The following ICE1 variants were observed in gnomAD, a reference collection of about 807,000 sequenced individuals.
ICE1 encodes little elongation complex subunit 1.
ICE1 carries 64 observed loss-of-function variants against 192.7 expected under a neutral mutation model. The observed-to-expected ratio is 0.33, with a 90% confidence interval of 0.27 to 0.41. ICE1 has a LOEUF of 0.41. Ranked by LOEUF, ICE1 falls within the 10% of genes least tolerant of loss-of-function variation. The pLI is 1.00. For synonymous variants in ICE1, 1,010 were observed against 984.5 expected, an observed-to-expected ratio of 1.03 and a Z score of -0.49; for missense variants, 2,708 against 2,696.0, an observed-to-expected ratio of 1.00 and a Z score of -0.10.
At chr5:5,431,252 C>T (rs1737700489) in intron 1 of ICE1, among the ~76,000 whole-genome samples, 1 of 152,186 alleles carries the variant, frequency 6.6e-6, no homozygotes, top group Non-Finnish European at 1.5e-5. Context: ...GGAAGAATCA[C>T]TTTTATTTTA....
Position 5,432,825 on chromosome 5 carries a change from C to G in ICE1, c.85-3593C>G, listed in dbSNP as rs1194479476. Among the ~76,000 whole-genome samples the G allele has an allele frequency of 3.3e-5, 5 of 152,050 alleles. No individual in the cohort carries two copies. The East Asian group carries it at 9.6e-4, about 29-fold the overall frequency. On this transcript the variant is annotated intron_variant, in intron 1 of 18. Coordinates refer to ENST00000296564, the MANE Select transcript of ICE1 (RefSeq NM_015325.3). The stretch of plus-strand genomic sequence containing the variant: ...TTATTTATCTCATCCTATTAATAAA[C>G]ATTTTTTAAGTTTTCTTTTCAGTTT...
chr5:5,438,217 A>T (rs2111343584), intron 3 of ICE1, among the ~76,000 whole-genome samples: 1 of 152,270 alleles, frequency 6.6e-6, no homozygotes, highest in Non-Finnish European at 1.5e-5. Context: ...GTGGGAACTC[A>T]CTCATTATCA....
Position 5,473,748 on chromosome 5 carries a change from GGTTA to G in ICE1, c.6413+5_6413+8del, listed in dbSNP as rs753631956. On this transcript the variant is annotated splice_donor_variant and splice_donor_region_variant and intron_variant, in intron 16 of 18. Transcript: ENST00000296564. LOFTEE classifies it high-confidence loss of function. ...ATCTGGACGCATGATAACATCATAA[GGTTA>G]GTTATTTTACTAATTTAAATAAAGA... 10 of 1,564,936 alleles carry G rather than the reference GGTTA, an allele frequency of 6.4e-6. No homozygotes were observed. Among genetic ancestry groups the G allele is most frequent in the Middle Eastern group, 1.7e-4 (1 of 5,900 alleles).
At chr5:5,436,668 A>C (rs1737880906) in intron 2 of ICE1, among the ~76,000 whole-genome samples, 192 bp downstream of exon 2, 1 of 152,174 alleles carries the variant, frequency 6.6e-6, no homozygotes, top group Admixed American at 6.5e-5. Context: ...CAGGCCTTTA[A>C]AACAAAGCTC....
Position 5,462,991 on chromosome 5 carries a change from C to G in ICE1, c.3657C>G (p.Tyr1219Ter). 6.2e-7 allele frequency: 1 copy of G among 1,613,418 alleles called. No individual in the cohort carries two copies. The highest frequency in any genetic ancestry group is 8.5e-7 in the Non-Finnish European group (1 of 1,179,754). ...AGGCAAGTGAAATAGGAGAAAAATA[C>G]AGAAAGCAACCCTGTGAGGAAGAAA... ...ELKASEIGEK[Y>*]RKQPCEEETL... Residue 1219 changes from tyrosine (Y) to a stop codon, truncating the protein, a stop_gained, in exon 13 of 19, where the codon TAC becomes TAG. Coordinates refer to ENST00000296564, the MANE Select transcript of ICE1 (RefSeq NM_015325.3). LOFTEE classifies it high-confidence loss of function.
chr5:5,460,862 A>C lies in ICE1; in HGVS notation c.1528A>C (p.Ile510Leu). 6.2e-7 allele frequency: 1 copy of C among 1,614,070 alleles called. No homozygotes were observed. Residue 510 changes from isoleucine to leucine, a missense_variant, in exon 13 of 19, where the codon ATT becomes CTT. This residue lies in a region of ICE1 where 2,366 missense variants were observed against 2,276.6 expected (regional missense o/e 1.04). Transcript: ENST00000296564. Reference protein sequence around the residue: ...TIHKLTRGLCIERLSASPAQE... With the variant: ...TIHKLTRGLCLERLSASPAQE... ...TCATAAACTCACTCGAGGTCTATGC[A>C]TTGAGAGATTGTCTGCCAGCCCTGC...
chr5:5,456,911 A>C (rs1738599822), intron 11 of ICE1, among the ~76,000 whole-genome samples: 1 of 152,166 alleles, frequency 6.6e-6, no homozygotes, highest in African/African-American at 2.4e-5. Flanking sequence ...GCTTGATATT[A>C]GTTGATTTCA....
chr5:5,488,765 A>G (rs1739698217), intron 18 of ICE1, among the ~76,000 whole-genome samples: 1 of 152,198 alleles, frequency 6.6e-6, no homozygotes, highest in Non-Finnish European at 1.5e-5. Context: ...TCATAGAGTC[A>G]TATGTTTAAT....
At chr5:5,476,250 T>C (rs1048677732) in intron 17 of ICE1, among the ~76,000 whole-genome samples, 171 bp downstream of exon 17, 3 of 152,184 alleles carry the variant, frequency 2.0e-5, no homozygotes, top group African/African-American at 7.2e-5. Flanking sequence ...CCTTGTAAAT[T>C]AGTGTTTTAT....
At chr5:5,437,205 T>C in intron 3 of ICE1, 91 bp downstream of exon 3, 1 of 966,162 alleles carries the variant, frequency 1.0e-6, no homozygotes, top group Non-Finnish European at 1.6e-6. Context: ...TCATAGGCCT[T>C]CTGGAAGATA....
chr5:5,447,534 A>G (rs371453289), intron 8 of ICE1, 25 bp downstream of exon 8: 21 of 1,513,006 alleles, frequency 1.4e-5, no homozygotes, highest in Non-Finnish European at 1.9e-5. Context: ...CAGCATACAC[A>G]CACCTTAAAT....
intron 17 of ICE1, among the ~76,000 whole-genome samples, chr5:5,482,775 AACACACACACACACACACAC>A (rs70965943): frequency 7.4e-6 from 1 of 135,996 alleles, no homozygotes; most frequent in Non-Finnish European, 1.6e-5. Flanking sequence ...CCCACCCCCC[AACACACACACACACACACAC>A]ACACACACAC....
Position 5,468,889 on chromosome 5 carries a change from C to G in ICE1, c.6123C>G (p.Leu2041=). 6.2e-7 allele frequency: 1 copy of G among 1,605,080 alleles called. No homozygotes were observed. The highest frequency in any genetic ancestry group is 8.5e-7 in the Non-Finnish European group (1 of 1,176,100). ...FIANMWHDIF[L]SQSVINKAMQ... Reference sequence around the variant, plus strand: ...CAAACATGTGGCATGATATATTTCTCTCTCAATCGGTGATTAATAAAGCAA... The same window carrying G: ...CAAACATGTGGCATGATATATTTCTGTCTCAATCGGTGATTAATAAAGCAA... Residue 2041 remains leucine, a synonymous_variant, in exon 15 of 19, where the codon CTC becomes CTG. Transcript: ENST00000296564.
chr5:5,442,851 A>G (rs1440688209), intron 5 of ICE1, among the ~76,000 whole-genome samples: 1 of 152,160 alleles, frequency 6.6e-6, no homozygotes, highest in Non-Finnish European at 1.5e-5. Flanking sequence ...ATGCTCTAAT[A>G]TTTTTTCAGG....
At chr5:5,448,435 AGGT>A (rs1738311420) in intron 10 of ICE1, among the ~76,000 whole-genome samples, 1 of 152,240 alleles carries the variant, frequency 6.6e-6, no homozygotes, top group East Asian at 1.9e-4. Context: ...CACGTCTCAT[AGGT>A]GAGAAGCATA....
chr5:5,455,031 A>G (rs1322295333), intron 11 of ICE1, among the ~76,000 whole-genome samples: 3 of 152,208 alleles, frequency 2.0e-5, no homozygotes, highest in Non-Finnish European at 4.4e-5. Context: ...CTCTCAGAGT[A>G]TCATGGGGGC....
intron 1 of ICE1, among the ~76,000 whole-genome samples, chr5:5,435,130 A>G (rs1737830491): frequency 6.6e-6 from 1 of 152,202 alleles, no homozygotes; most frequent in Admixed American, 6.5e-5. Context: ...ACCTCCCTCA[A>G]CAACAATTTG....
At chr5:5,451,683 ATAGT>A (rs1738421536) in intron 10 of ICE1, among the ~76,000 whole-genome samples, 2 of 152,308 alleles carry the variant, frequency 1.3e-5, no homozygotes, top group African/African-American at 2.4e-5. Context: ...ATTTTTAACA[ATAGT>A]TAAAGATCTA....
rs1422414478 is a variant in ICE1 at position 5,469,008 on chromosome 5, C to T, written c.6222+20C>T. On this transcript the variant is annotated intron_variant, in intron 15 of 18. Coordinates refer to ENST00000296564, the MANE Select transcript of ICE1 (RefSeq NM_015325.3). ...GAAAAGGTGAGCCATATTTCTGTTT[C>T]TTACAGTATCTTACTTTTAGATATT... 1.4e-6 allele frequency: 2 copies of T among 1,440,016 alleles called. No individual in the cohort carries two copies. The highest frequency in any genetic ancestry group is 1.8e-6 in the Non-Finnish European group (2 of 1,086,910). 89.2% of individuals were successfully genotyped at this position (1,440,016 alleles called of 1,614,324 possible). A position where few individuals can be genotyped will look rare whatever the true frequency, so the allele number is the denominator to read the frequency against.
Sources: allele counts gnomAD v4.1 joint callset (sites outside exome capture counted in the v4.1 genomes callset), GRCh38; gene constraint gnomAD v4.1.1; regional missense constraint gnomAD v4.1.1; transcripts MANE v1.5; gene names NCBI Gene and HGNC (gene_info 2026-07-23, HGNC 2026-07-21).